Variants in OSBPL8 observed in about 807,000 individuals in gnomAD.
OSBPL8 encodes the protein oxysterol binding protein like 8, also known as oxysterol-binding protein-related protein 8.
In OSBPL8, 59 loss-of-function variants were observed where a neutral mutation model predicts 125.5. The observed-to-expected ratio is 0.47, with a 90% CI of 0.38 to 0.58. The LOEUF (loss-of-function observed/expected upper bound fraction) is 0.58, where lower values mean the gene tolerates loss of function less well. Among genes scored for constraint, OSBPL8 ranks in the 20% least tolerant of loss-of-function variants. The pLI is 0.00. For missense variants in OSBPL8, 758 were observed against 1,047.8 expected, an observed-to-expected ratio of 0.72 and a Z score of 3.82; for synonymous variants, 330 against 338.9, an observed-to-expected ratio of 0.97 and a Z score of 0.29.
chr12:76,444,809 CAGGTGACTCAGATATAGCCAGATGT>C, intron 4 of OSBPL8, among the ~76,000 whole-genome samples: 1 of 152,114 alleles, frequency 6.6e-6, no homozygotes, highest in Admixed American at 6.6e-5. Flanking sequence ...GCAAAGCTTC[CAGGTGACTCAGATATAGCCAGATGT>C]AGGTGCTACT....
At chr12:76,444,387 G>A (rs1321787788) in intron 4 of OSBPL8, among the ~76,000 whole-genome samples, 1 of 152,116 alleles carries the variant, frequency 6.6e-6, no homozygotes. Flanking sequence ...TGAAAACTGA[G>A]ATAACAGTAT....
intron 2 of OSBPL8, chr12:76,486,001 C>T (rs1262509674): frequency 2.4e-6 from 1 of 415,020 alleles, no homozygotes; most frequent in Non-Finnish European, 4.8e-6. Context: ...ATTAACTTTT[C>T]TTCTGAAATT....
intron 21 of OSBPL8, among the ~76,000 whole-genome samples, chr12:76,368,106 G>T (rs1181906287): frequency 6.6e-6 from 1 of 152,098 alleles, no homozygotes; most frequent in African/African-American, 2.4e-5. Context: ...CAGGTCTAGT[G>T]GTAATGAACT....
At chr12:76,485,535 G>A (rs1008915342) in intron 2 of OSBPL8, among the ~76,000 whole-genome samples, 2 of 152,142 alleles carry the variant, frequency 1.3e-5, no homozygotes, top group Non-Finnish European at 2.9e-5. Context: ...TCACGCCACC[G>A]CACTCCAGAA....
intron 4 of OSBPL8, among the ~76,000 whole-genome samples, chr12:76,426,995 C>T (rs941390541): frequency 8.5e-5 from 13 of 152,094 alleles, no homozygotes. Context: ...GATGTAATCA[C>T]CGGTGTTTAA....
intron 4 of OSBPL8, among the ~76,000 whole-genome samples, chr12:76,427,205 A>G (rs1870249915): frequency 6.6e-6 from 1 of 152,100 alleles, no homozygotes; most frequent in Non-Finnish European, 1.5e-5. Context: ...AAAAAGTATT[A>G]TTTCAAGAGA....
At chr12:76,543,523 G>T (rs982993601) in intron 1 of OSBPL8, among the ~76,000 whole-genome samples, 2 of 152,026 alleles carry the variant, frequency 1.3e-5, no homozygotes, top group African/African-American at 4.8e-5. Context: ...GTGCAATTAG[G>T]AGTTTACTGT....
chr12:76,481,889 T>G (rs1439551556), intron 2 of OSBPL8, among the ~76,000 whole-genome samples: 3 of 152,220 alleles, frequency 2.0e-5, no homozygotes, highest in Non-Finnish European at 2.9e-5. Flanking sequence ...CTGGGCTTCT[T>G]AGAATACGAT....
At chr12:76,529,719 T>C (rs563974632) in intron 1 of OSBPL8, among the ~76,000 whole-genome samples, 3 of 152,208 alleles carry the variant, frequency 2.0e-5, no homozygotes, top group South Asian at 2.1e-4. Context: ...TAGTAAGCAA[T>C]GAGGAGAACT....
intron 2 of OSBPL8, among the ~76,000 whole-genome samples, chr12:76,464,608 T>C (rs1336988334): frequency 6.6e-6 from 1 of 152,202 alleles, no homozygotes; most frequent in Non-Finnish European, 1.5e-5. Context: ...TGAGGGTATA[T>C]AAACATCTTC....
intron 1 of OSBPL8, among the ~76,000 whole-genome samples, chr12:76,537,705 T>C (rs1950537330): frequency 6.6e-6 from 1 of 151,966 alleles, no homozygotes; most frequent in Non-Finnish European, 1.5e-5. Flanking sequence ...GGTCAGGAGT[T>C]CAAGACCAGC....
intron 4 of OSBPL8, among the ~76,000 whole-genome samples, chr12:76,431,309 C>T (rs951281368): frequency 6.8e-6 from 1 of 147,972 alleles, no homozygotes; most frequent in Non-Finnish European, 1.5e-5. Context: ...AAAAAACACA[C>T]AAAAAACAAA....
At chr12:76,375,430 A>G in intron 16 of OSBPL8, 60 bp from the exon 17 acceptor site, 1 of 1,066,576 alleles carries the variant, frequency 9.4e-7, no homozygotes, top group Non-Finnish European at 1.4e-6. Flanking sequence ...ATGGCTCACG[A>G]TAAACAGTTT....
chr12:76,423,855 G>A (rs1297706197), intron 4 of OSBPL8, among the ~76,000 whole-genome samples: 3 of 151,982 alleles, frequency 2.0e-5, no homozygotes, highest in Admixed American at 6.6e-5. Context: ...CATTTTTATA[G>A]GTATCTTACC....
chr12:76,507,988 T>C (rs756098281), intron 1 of OSBPL8, among the ~76,000 whole-genome samples: 3 of 148,664 alleles, frequency 2.0e-5, no homozygotes, highest in Non-Finnish European at 4.4e-5. Context: ...CTGACCAACA[T>C]GGTGAAACCC....
intron 3 of OSBPL8, among the ~76,000 whole-genome samples, chr12:76,455,241 TA>T (rs554598965): frequency 2.9e-3 from 402 of 137,528 alleles, no homozygotes; most frequent in Middle Eastern, 7.4e-3. Context: ...AGACTCTATC[TA>T]AAAAAAAAAA....
At chr12:76,383,361 C>G (rs1324790784) in intron 15 of OSBPL8, among the ~76,000 whole-genome samples, 3 of 148,178 alleles carry the variant, frequency 2.0e-5, no homozygotes, top group Non-Finnish European at 4.5e-5. Context: ...GGGAAAAAAA[C>G]AAGCAATCAC....
At chr12:76,412,950 A>G (rs1280851669) in intron 4 of OSBPL8, among the ~76,000 whole-genome samples, 1 of 152,212 alleles carries the variant, frequency 6.6e-6, no homozygotes, top group East Asian at 1.9e-4. Flanking sequence ...AGCACTTCAC[A>G]CATACTTGTA....
At chr12:76,386,843 T>C (rs768644222) in intron 12 of OSBPL8, among the ~76,000 whole-genome samples, 183 bp from the exon 13 acceptor site, 2 of 152,178 alleles carry the variant, frequency 1.3e-5, no homozygotes, top group Non-Finnish European at 2.9e-5. Context: ...TTTCTTAACC[T>C]GGTCACATTT....
Sources: allele counts gnomAD v4.1 joint callset (sites outside exome capture counted in the v4.1 genomes callset), GRCh38; gene constraint gnomAD v4.1.1; transcripts MANE v1.5; gene names NCBI Gene and HGNC (gene_info 2026-07-23, HGNC 2026-07-21).